Variants in AIG1 observed in about 807,000 individuals in gnomAD.
AIG1 encodes the protein androgen-induced gene 1 protein.
AIG1 carries 23 observed loss-of-function variants against 31.4 expected under a neutral mutation model. That is an observed-to-expected ratio of 0.73 (90% CI 0.53 to 1.04). The LOEUF is 1.04. AIG1 is among the 50% of genes least tolerant of loss of function. AIG1 has a pLI of 0.00. For missense variants in AIG1, 274 were observed against 295.0 expected (o/e 0.93, Z 0.52); for synonymous variants, 100 against 110.5 (o/e 0.90, Z 0.60).
At chr6:143,061,715 T>A (rs944410827) in intron 1 of AIG1, 1 of 172,378 alleles carries the variant, frequency 5.8e-6, no homozygotes. Flanking sequence ...TGTCTTCCCA[T>A]GTACAAATTT....
rs1022555815 is a variant in AIG1 at position 143,299,417 on chromosome 6, G to C, written c.515+15192G>C. The C allele has an allele frequency of 2.6e-5, 4 of 152,186 alleles. No individual in the cohort carries two copies. Among genetic ancestry groups the C allele is most frequent in the African/African-American group, 9.7e-5 (4 of 41,430 alleles). The allele number at this position is 152,186 out of a possible 1,614,324, so 9.4% of individuals were successfully genotyped here. ...CCACAATCATCTAAGTCTACCAGCA[G>C]TATATGACCAGAAGCATTACAGGAA... On this transcript the variant is annotated intron_variant, in intron 4 of 5. Transcript: ENST00000357847. The surrounding 1 kb of genome is among the most constrained non-coding windows in gnomAD (Gnocchi z 4.1).
At chr6:143,111,215 A>G (rs1024360635) in intron 1 of AIG1, among the ~76,000 whole-genome samples, 1 of 152,042 alleles carries the variant, frequency 6.6e-6, no homozygotes, top group Non-Finnish European at 1.5e-5. Flanking sequence ...TCTTGCTGAC[A>G]CCAGTGTCTC....
rs1787531083 is a variant in AIG1, at chr6:143,171,432, A to ATATATATATAATATATAT, written c.399+6250_399+6267dup. Among the ~76,000 whole-genome samples, 32 of 89,162 alleles carry ATATATATATAATATATAT rather than the reference A, an allele frequency of 3.6e-4. No homozygotes were observed. In the South Asian group the frequency reaches 0.012, roughly 35 times the overall value. 58.5% of individuals were successfully genotyped at this position (89,162 alleles called of 152,430 possible). On this transcript the variant is annotated intron_variant, in intron 3 of 5. Transcript: ENST00000357847. ...TGTGTATATATATATAATATATATA[A>ATATATATATAATATATAT]TATATATATAATATATATATTTAAT...
intron 1 of AIG1, among the ~76,000 whole-genome samples, chr6:143,088,896 AATG>A (rs1412103382): frequency 6.6e-6 from 1 of 152,216 alleles, no homozygotes; most frequent in Non-Finnish European, 1.5e-5. Flanking sequence ...TAGAATATAA[AATG>A]ATAATTCGTA....
At position 143,260,208 on chromosome 6, in the gene AIG1, A is replaced by C. The variant is rs571749874; in HGVS notation, c.400-23902A>C. Among the ~76,000 whole-genome samples, 8 of 152,042 alleles carry C rather than the reference A, an allele frequency of 5.3e-5. No individual in the cohort carries two copies. The East Asian group carries it at 1.2e-3, about 22-fold the overall frequency. On this transcript the variant is annotated intron_variant, in intron 3 of 5. Transcript: ENST00000357847. ...CTGGTTAATTTTTTGTATTTTTAGT[A>C]GAGATGGAGTTTCACCATGGTCTTG...
At chr6:143,238,197 T>C (rs1793957351) in intron 3 of AIG1, among the ~76,000 whole-genome samples, 1 of 152,180 alleles carries the variant, frequency 6.6e-6, no homozygotes. Context: ...CACCTCGGGC[T>C]CCCAAAGTCC....
chr6:143,269,925 T>C (rs530657857), intron 3 of AIG1, among the ~76,000 whole-genome samples: 1 of 152,328 alleles, frequency 6.6e-6, no homozygotes, highest in East Asian at 1.9e-4. Context: ...GGAACATTTG[T>C]TGATTTTTCT....
intron 4 of AIG1, among the ~76,000 whole-genome samples, chr6:143,295,136 A>G (rs370103869): frequency 6.6e-6 from 1 of 152,142 alleles, no homozygotes; most frequent in Non-Finnish European, 1.5e-5. Context: ...TCTATGAGAC[A>G]TCCTCAACCC....
chr6:143,301,332 G>A, intron 4 of AIG1, among the ~76,000 whole-genome samples: 1 of 152,178 alleles, frequency 6.6e-6, no homozygotes, highest in East Asian at 1.9e-4. Flanking sequence ...CAAGTAGCAA[G>A]GAGCTCACCA....
intron 3 of AIG1, among the ~76,000 whole-genome samples, chr6:143,200,511 C>T (rs918683006): frequency 1.3e-5 from 2 of 152,084 alleles, no homozygotes; most frequent in African/African-American, 2.4e-5. Context: ...CCAGAGTTGT[C>T]AACCCAGAAT....
intron 3 of AIG1, among the ~76,000 whole-genome samples, chr6:143,218,508 G>A (rs1439503312): frequency 1.3e-5 from 2 of 152,142 alleles, no homozygotes; most frequent in African/African-American, 2.4e-5. Flanking sequence ...CAAATCTCCA[G>A]CCCAACTTGC....
Position 143,080,551 on chromosome 6 carries a change from G to A in AIG1, c.141+19485G>A, listed in dbSNP as rs535110287. 6.6e-5 allele frequency among the ~76,000 whole-genome samples: 10 copies of A among 152,076 alleles called. 1 individual carries two copies. In the East Asian group the frequency reaches 7.7e-4, roughly 12 times the overall value. Reference sequence around the variant, plus strand: ...AGCCACATTCTCCATAGAAGCTCTCGGTAAGGGGAGCTACTGGTAGTACAG... The same window carrying A: ...AGCCACATTCTCCATAGAAGCTCTCAGTAAGGGGAGCTACTGGTAGTACAG... On this transcript the variant is annotated intron_variant, in intron 1 of 5. Transcript: ENST00000357847.
intron 4 of AIG1, among the ~76,000 whole-genome samples, chr6:143,307,542 C>T (rs1799419052): frequency 6.6e-6 from 1 of 152,218 alleles, no homozygotes; most frequent in Non-Finnish European, 1.5e-5. Flanking sequence ...ATGCTGCTGT[C>T]TGATCGTTCC....
chr6:143,138,753 C>T (rs1242874693), intron 2 of AIG1, among the ~76,000 whole-genome samples: 5 of 151,914 alleles, frequency 3.3e-5, no homozygotes, highest in East Asian at 1.9e-4. Context: ...ATGAGCCGGG[C>T]GTGGTGGTGG....
rs139242282 is a variant in AIG1, at chr6:143,313,556, A to G, written c.516-19726A>G. 3.0e-3 allele frequency among the ~76,000 whole-genome samples: 454 copies of G among 152,232 alleles called. 3 individuals carry two copies. The highest frequency in any genetic ancestry group is 5.1e-3 in the Non-Finnish European group (345 of 67,970). Reference sequence around the variant, plus strand: ...TGGAAGGATGGTTATCAGAGGCGTGAAAAGTTAATGGTGGCAATGAGGGTT... The same window carrying G: ...TGGAAGGATGGTTATCAGAGGCGTGGAAAGTTAATGGTGGCAATGAGGGTT... On this transcript the variant is annotated intron_variant, in intron 4 of 5. Transcript: ENST00000357847.
At chr6:143,121,386 A>G (rs1249804697) in intron 1 of AIG1, among the ~76,000 whole-genome samples, 2 of 152,248 alleles carry the variant, frequency 1.3e-5, no homozygotes, top group Non-Finnish European at 2.9e-5. Context: ...TGAACATATC[A>G]TGTAATATAC....
intron 2 of AIG1, among the ~76,000 whole-genome samples, chr6:143,141,817 T>C (rs1217022015): frequency 6.6e-6 from 1 of 152,190 alleles, no homozygotes. Context: ...TTGTCTCCTG[T>C]GAGTTTGTTG....
At chr6:143,219,578 A>G (rs969620317) in intron 3 of AIG1, among the ~76,000 whole-genome samples, 9 of 152,304 alleles carry the variant, frequency 5.9e-5, no homozygotes, top group African/African-American at 2.2e-4. Flanking sequence ...AAAATATAAC[A>G]AAAGAACAGA....
chr6:143,105,734 C>G (rs1156671993), intron 1 of AIG1, among the ~76,000 whole-genome samples: 1 of 152,216 alleles, frequency 6.6e-6, no homozygotes, highest in African/African-American at 2.4e-5. Flanking sequence ...AAGTTAAGAA[C>G]AAGGTCAGGC....
Sources: allele counts gnomAD v4.1 joint callset (sites outside exome capture counted in the v4.1 genomes callset), GRCh38; gene constraint gnomAD v4.1.1; non-coding constraint Gnocchi (gnomAD v3.1); transcripts MANE v1.5; gene names NCBI Gene and HGNC (gene_info 2026-07-23, HGNC 2026-07-21).